FOXP1: variants seen among roughly 807,000 people sequenced by gnomAD.
FOXP1 encodes forkhead box P1, also known as forkhead box protein P1.
A neutral mutation model predicts 98.2 loss-of-function variants in FOXP1; 15 were observed. The ratio of observed to expected loss-of-function variants is 0.15; its 90% CI spans 0.10 to 0.24. FOXP1 has a LOEUF of 0.24. Among genes scored for constraint, FOXP1 ranks in the 10% least tolerant of loss-of-function variants. FOXP1 has a pLI of 1.00. For synonymous variants in FOXP1, 371 were observed against 314.5 expected (o/e 1.18, Z -1.90); for missense variants, 633 against 848.5 (o/e 0.75, Z 3.15).
At chr3:71,081,506 C>T (rs1176133617) in intron 7 of FOXP1, among the ~76,000 whole-genome samples, 1 of 152,076 alleles carries the variant, frequency 6.6e-6, no homozygotes, top group Non-Finnish European at 1.5e-5. Flanking sequence ...GAACCTAAAA[C>T]CTGCGACTCC....
chr3:71,101,643 G>A (rs1428969442), intron 7 of FOXP1, among the ~76,000 whole-genome samples: 1 of 150,398 alleles, frequency 6.6e-6, no homozygotes, highest in African/African-American at 2.5e-5. Flanking sequence ...GCCAGACTTG[G>A]GAGGAGTTTA....
At chr3:71,137,542 A>G (rs755638474) in intron 6 of FOXP1, among the ~76,000 whole-genome samples, 16 of 152,232 alleles carry the variant, frequency 1.1e-4, no homozygotes, top group Non-Finnish European at 1.6e-4. Flanking sequence ...TGATTGTGGA[A>G]ATCAGGGCTC....
intron 2 of FOXP1, chr3:71,581,102 T>C: frequency 3.1e-6 from 3 of 972,398 alleles, no homozygotes; most frequent in South Asian, 9.5e-5. Flanking sequence ...ATAAGTTTCA[T>C]TTTGGGTCTT....
chr3:71,438,898 A>G (rs2085634451), intron 3 of FOXP1, among the ~76,000 whole-genome samples: 1 of 148,654 alleles, frequency 6.7e-6, no homozygotes, highest in Non-Finnish European at 1.5e-5. Flanking sequence ...GCCCTCCCCA[A>G]CCCCACTGGT....
At chr3:71,520,195 C>T (rs972349424) in intron 2 of FOXP1, among the ~76,000 whole-genome samples, 7 of 152,194 alleles carry the variant, frequency 4.6e-5, no homozygotes, top group African/African-American at 7.2e-5. Context: ...TCTCTTCTAA[C>T]CTATAAATGA....
chr3:71,063,958 C>A (rs1027891731), intron 7 of FOXP1, among the ~76,000 whole-genome samples: 10 of 152,168 alleles, frequency 6.6e-5, no homozygotes, highest in Non-Finnish European at 1.2e-4. Context: ...GGTAAAAAGT[C>A]CCGTTTCCAC....
At chr3:71,158,482 T>C (rs2060963079) in intron 6 of FOXP1, among the ~76,000 whole-genome samples, 1 of 152,036 alleles carries the variant, frequency 6.6e-6, no homozygotes, top group African/African-American at 2.4e-5. Context: ...ACACTGCCAT[T>C]TAGGCAGGGG....
At chr3:71,169,908 A>G (rs1253087981) in intron 6 of FOXP1, among the ~76,000 whole-genome samples, 1 of 152,174 alleles carries the variant, frequency 6.6e-6, no homozygotes. Context: ...AACCTCCATC[A>G]TATTTAGTTA....
chr3:71,388,429 C>A (rs1305401398), intron 3 of FOXP1, among the ~76,000 whole-genome samples: 1 of 152,056 alleles, frequency 6.6e-6, no homozygotes, highest in Non-Finnish European at 1.5e-5. Context: ...TTTTTATAGC[C>A]GTGTATTCTC....
chr3:71,437,196 T>G (rs541634820), intron 3 of FOXP1, among the ~76,000 whole-genome samples: 2 of 152,210 alleles, frequency 1.3e-5, no homozygotes, highest in South Asian at 4.2e-4. Flanking sequence ...TGCTCGAGCC[T>G]AGGAGTTCGA....
chr3:71,024,842 C>T (rs1159830214), intron 11 of FOXP1, among the ~76,000 whole-genome samples: 2 of 152,158 alleles, frequency 1.3e-5, no homozygotes, highest in Non-Finnish European at 2.9e-5. Context: ...AAGCTATTAA[C>T]CATTTATGTC....
chr3:71,056,082 G>A (rs1335237205), intron 7 of FOXP1, among the ~76,000 whole-genome samples: 2 of 152,178 alleles, frequency 1.3e-5, no homozygotes, highest in African/African-American at 4.8e-5. Flanking sequence ...TCCATATCTC[G>A]AGTGAGGTGG....
At chr3:71,044,552 C>T (rs2048774351) in intron 10 of FOXP1, among the ~76,000 whole-genome samples, 1 of 152,162 alleles carries the variant, frequency 6.6e-6, no homozygotes, top group South Asian at 2.1e-4. Flanking sequence ...AATATTAATT[C>T]TCTATCTATT....
chr3:71,448,804 A>C (rs1032062333), intron 3 of FOXP1, among the ~76,000 whole-genome samples: 1 of 152,184 alleles, frequency 6.6e-6, no homozygotes, highest in Non-Finnish European at 1.5e-5. Flanking sequence ...CATTGCCACA[A>C]TTTCAGAACC....
In FOXP1 at chr3:71,169,784, A is replaced by G. The variant is rs1175333831; in HGVS notation, c.180+28418T>C. On this transcript the variant is annotated intron_variant, in intron 6 of 20. Transcript: ENST00000649528. ...AATTACTGGCTAAAAAATTACTGGC[A>G]AAAAAAAAAAAAAAAGATTTTTTGC... 1.5e-3 allele frequency among the ~76,000 whole-genome samples: 188 copies of G among 121,628 alleles called. 1 individual carries two copies. Among genetic ancestry groups the G allele is most frequent in the Middle Eastern group, 8.1e-3 (2 of 248 alleles). The allele number at this position is 121,628 out of a possible 152,430, so 79.8% of individuals were successfully genotyped here.
At chr3:71,523,662 G>GT (rs796151275) in intron 2 of FOXP1, among the ~76,000 whole-genome samples, 2 of 151,602 alleles carry the variant, frequency 1.3e-5, no homozygotes, top group Admixed American at 6.6e-5. Flanking sequence ...ATTTTCCTTT[G>GT]TTTTTTTTCT....
At chr3:71,401,204 C>A (rs939877866) in intron 3 of FOXP1, among the ~76,000 whole-genome samples, 2 of 152,164 alleles carry the variant, frequency 1.3e-5, no homozygotes, top group Non-Finnish European at 2.9e-5. Context: ...CTGCACATTG[C>A]CCCCTGGGTA....
intron 5 of FOXP1, among the ~76,000 whole-genome samples, chr3:71,245,527 C>G (rs2067663402): frequency 6.6e-6 from 1 of 152,106 alleles, no homozygotes. Context: ...TGTGAATTTT[C>G]AATCCCTTGC....
At chr3:71,031,619 ATTTTCT>A (rs1284755977) in intron 11 of FOXP1, among the ~76,000 whole-genome samples, 1 of 152,168 alleles carries the variant, frequency 6.6e-6, no homozygotes, top group Non-Finnish European at 1.5e-5. Flanking sequence ...GCGGATAATG[ATTTTCT>A]TTTTTCTTTC....
Sources: allele counts gnomAD v4.1 joint callset (sites outside exome capture counted in the v4.1 genomes callset), GRCh38; gene constraint gnomAD v4.1.1; transcripts MANE v1.5; gene names NCBI Gene and HGNC (gene_info 2026-07-23, HGNC 2026-07-21).